Variants in PRRX1 observed in about 807,000 individuals in gnomAD.
PRRX1 encodes paired mesoderm homeobox protein 1.
In PRRX1, 8 loss-of-function variants were observed where a neutral mutation model predicts 24.0. The observed-to-expected ratio is 0.33, with a 90% CI of 0.20 to 0.60. The LOEUF (loss-of-function observed/expected upper bound fraction) is 0.60. Ranked by LOEUF, PRRX1 falls within the 20% of genes least tolerant of loss-of-function variation. The pLI is 0.82. For missense variants in PRRX1, 281 were observed against 322.4 expected (o/e 0.87, Z 0.98); for synonymous variants, 160 against 131.7 (o/e 1.22, Z -1.47).
intron 1 of PRRX1, chr1:170,668,741 G>A (rs985369475): frequency 1.3e-5 from 2 of 152,196 alleles, no homozygotes; most frequent in African/African-American, 4.8e-5. Context: ...AGCTTCTAGA[G>A]TCTCAGCTTT....
chr1:170,708,438 G>A (rs1263728480), intron 1 of PRRX1, among the ~76,000 whole-genome samples: 5 of 152,108 alleles, frequency 3.3e-5, no homozygotes, highest in Non-Finnish European at 5.9e-5. Context: ...TTGACAGGCC[G>A]TAATGTTCCT....
chr1:170,695,055 C>G (rs1452204458), intron 1 of PRRX1, among the ~76,000 whole-genome samples: 1 of 152,122 alleles, frequency 6.6e-6, no homozygotes, highest in Non-Finnish European at 1.5e-5. Context: ...CTGGAAGAGT[C>G]TATCTCCTCA....
intron 1 of PRRX1, among the ~76,000 whole-genome samples, chr1:170,664,689 G>A (rs1016140598): frequency 2.6e-5 from 4 of 152,238 alleles, no homozygotes; most frequent in Non-Finnish European, 5.9e-5. Context: ...CAAGGTCCGG[G>A]GACACTCCGA....
intron 3 of PRRX1, chr1:170,726,651 G>A (rs184713131): frequency 2.1e-6 from 1 of 470,956 alleles, no homozygotes; most frequent in South Asian, 3.4e-5. Context: ...TCTTGCAAAG[G>A]TTTCAAAGAT....
At chr1:170,689,839 CCT>C (rs71559512) in intron 1 of PRRX1, among the ~76,000 whole-genome samples, 36,027 of 90,802 alleles carry the variant, frequency 0.4, 4,748 homozygotes, top group South Asian at 0.48. Flanking sequence ...TCTCTCTCTC[CCT>C]CTCTCTCTCT....
At position 170,664,134 on chromosome 1, in the gene PRRX1, C is replaced by G; in HGVS notation, c.-85C>G. On this transcript the variant is annotated 5_prime_UTR_variant, in exon 1 of 4. Coordinates refer to ENST00000239461, the MANE Select transcript of PRRX1 (RefSeq NM_022716.4). ...ACTACCCCCCTCTTTCTTCCCCACT[C>G]GGCTCCTCTCCCCCCTCGCGCCCAC... 1 of 1,377,876 alleles carries G rather than the reference C, an allele frequency of 7.3e-7. No individual in the cohort carries two copies. The highest frequency in any genetic ancestry group is 9.9e-7 in the Non-Finnish European group (1 of 1,013,486). The allele number at this position is 1,377,876 out of a possible 1,614,324, so 85.4% of individuals were successfully genotyped here.
intron 3 of PRRX1, chr1:170,730,159 T>C (rs931043637): frequency 4.5e-6 from 4 of 892,530 alleles, no homozygotes; most frequent in Admixed American, 1.7e-5. Flanking sequence ...TCAGCTATCC[T>C]TGTCCACAGC....
At chr1:170,684,992 T>G (rs752552580) in intron 1 of PRRX1, among the ~76,000 whole-genome samples, 1 of 152,206 alleles carries the variant, frequency 6.6e-6, no homozygotes, top group Non-Finnish European at 1.5e-5. Context: ...AAAGAAAAAC[T>G]AGACTTCATG....
intron 3 of PRRX1, among the ~76,000 whole-genome samples, chr1:170,734,015 TC>T (rs961530865): frequency 5.9e-5 from 9 of 152,176 alleles, no homozygotes; most frequent in African/African-American, 2.2e-4. Context: ...TCTGCTTCTA[TC>T]CCTTGGTAGG....
intron 2 of PRRX1, among the ~76,000 whole-genome samples, chr1:170,724,268 T>G (rs1242111119): frequency 3.3e-5 from 5 of 152,140 alleles, no homozygotes; most frequent in African/African-American, 1.2e-4. Context: ...AGTTTATTTT[T>G]CTGTGCAGAA....
chr1:170,729,722 C>T (rs1319043193), intron 3 of PRRX1, among the ~76,000 whole-genome samples: 2 of 152,186 alleles, frequency 1.3e-5, no homozygotes, highest in Non-Finnish European at 2.9e-5. Context: ...TGACATTAGG[C>T]AGGCAACTGA....
intron 1 of PRRX1, among the ~76,000 whole-genome samples, chr1:170,718,801 C>T (rs900165387): frequency 1.3e-5 from 2 of 152,160 alleles, no homozygotes; most frequent in African/African-American, 2.4e-5. Context: ...ATACATCACT[C>T]CTGACTGGGC....
intron 1 of PRRX1, among the ~76,000 whole-genome samples, chr1:170,686,464 T>A (rs1409864884): frequency 1.3e-5 from 2 of 152,108 alleles, no homozygotes; most frequent in Non-Finnish European, 2.9e-5. Context: ...GTCTGAGAGT[T>A]GTGTAGAGCC....
chr1:170,710,192 A>T (rs1399136021), intron 1 of PRRX1, among the ~76,000 whole-genome samples: 1 of 152,288 alleles, frequency 6.6e-6, no homozygotes, highest in East Asian at 1.9e-4. Context: ...TCAAAAAAGT[A>T]AAAAAACACA....
intron 1 of PRRX1, among the ~76,000 whole-genome samples, chr1:170,694,076 C>T (rs757425178): frequency 1.3e-5 from 2 of 152,012 alleles, no homozygotes; most frequent in Non-Finnish European, 2.9e-5. Context: ...TTACCACATA[C>T]TTTGGTTTCC....
chr1:170,736,416 G>T lies in PRRX1; in HGVS notation c.*230G>T. ...GGATACCACCACCACTTGTTTCTGT[G>T]TGTGTTTATTTTGTTTTTCTTTCAT... On this transcript the variant is annotated 3_prime_UTR_variant, in exon 4 of 4. Coordinates refer to ENST00000239461, the MANE Select transcript of PRRX1 (RefSeq NM_022716.4). The T allele has an allele frequency of 5.1e-6, 3 of 589,438 alleles. No homozygotes were observed. The highest frequency in any genetic ancestry group is 8.9e-6 in the Non-Finnish European group (3 of 338,540). The allele number at this position is 589,438 out of a possible 1,614,324, so 36.5% of individuals were successfully genotyped here.
At position 170,736,899 on chromosome 1, in the gene PRRX1, G is replaced by A. The variant is rs2101930401; in HGVS notation, c.*713G>A. ...CTATAGATTTAAGCTTGAAGCTACA[G>A]ATTATATCACTATCACCACCACCCC... On this transcript the variant is annotated 3_prime_UTR_variant, in exon 4 of 4. Coordinates refer to ENST00000239461, the MANE Select transcript of PRRX1 (RefSeq NM_022716.4). The A allele has an allele frequency of 5.0e-6, 1 of 198,866 alleles. No homozygotes were observed. Among genetic ancestry groups the A allele is most frequent in the East Asian group, 7.6e-5 (1 of 13,106 alleles). The allele number at this position is 198,866 out of a possible 1,614,324, so 12.3% of individuals were successfully genotyped here. A position where few individuals can be genotyped will look rare whatever the true frequency, so the allele number is the denominator to read the frequency against.
At chr1:170,665,880 G>A (rs544830378) in intron 1 of PRRX1, among the ~76,000 whole-genome samples, 32 of 152,368 alleles carry the variant, frequency 2.1e-4, no homozygotes, top group African/African-American at 7.7e-4. Flanking sequence ...AACTGAATGA[G>A]GAAGTCTGGC....
At chr1:170,685,524 T>C (rs995671974) in intron 1 of PRRX1, among the ~76,000 whole-genome samples, 1 of 152,212 alleles carries the variant, frequency 6.6e-6, no homozygotes, top group African/African-American at 2.4e-5. Flanking sequence ...TTCATTTTGA[T>C]AGATGGAGAC....
Sources: gnomAD v4.1 joint callset for allele counts (sites outside exome capture counted in the v4.1 genomes callset) on GRCh38, gnomAD v4.1.1 for gene constraint, MANE v1.5 for transcripts, NCBI Gene and HGNC (gene_info 2026-07-23, HGNC 2026-07-21) for gene names.